ZFPM2: variants seen among roughly 807,000 people sequenced by gnomAD.
ZFPM2 encodes the protein zinc finger protein, FOG family member 2, also known as zinc finger protein ZFPM2.
In ZFPM2, 20 loss-of-function variants were observed where a neutral mutation model predicts 98.6. That is an observed-to-expected ratio of 0.20 (90% CI 0.14 to 0.29). The LOEUF (loss-of-function observed/expected upper bound fraction) is 0.29. Ranked by LOEUF, ZFPM2 falls within the 10% of genes least tolerant of loss-of-function variation. The pLI, the probability that ZFPM2 is intolerant of heterozygous loss-of-function variation, is 1.00. For missense variants in ZFPM2, 1,310 were observed against 1,388.6 expected (o/e 0.94, Z 0.90); for synonymous variants, 518 against 502.7 (o/e 1.03, Z -0.41).
chr8:105,620,047 A>C (rs550138552), intron 4 of ZFPM2, among the ~76,000 whole-genome samples: 8 of 152,330 alleles, frequency 5.3e-5, no homozygotes, highest in Admixed American at 3.3e-4. Context: ...GTATATATCC[A>C]GTAATGGGAT....
At chr8:105,646,052 A>G (rs1298110851) in intron 5 of ZFPM2, among the ~76,000 whole-genome samples, 3 of 17,436 alleles carry the variant, frequency 1.7e-4, no homozygotes, top group Non-Finnish European at 2.3e-4. Flanking sequence ...CTCCATCTGG[A>G]AAAAAAAAAA....
chr8:105,487,614 T>C (rs1813255180), intron 3 of ZFPM2, among the ~76,000 whole-genome samples: 1 of 152,158 alleles, frequency 6.6e-6, no homozygotes, highest in Non-Finnish European at 1.5e-5. Context: ...TGGACATGAA[T>C]GTGTTCCAGT....
At chr8:105,450,686 G>A (rs536130855) in intron 3 of ZFPM2, among the ~76,000 whole-genome samples, 37 of 152,038 alleles carry the variant, frequency 2.4e-4, no homozygotes, top group African/African-American at 8.9e-4. Flanking sequence ...TGAAAATGAG[G>A]CAGAGAGGAA....
At chr8:105,420,846 G>C (rs1811777015) in intron 2 of ZFPM2, among the ~76,000 whole-genome samples, 1 of 152,116 alleles carries the variant, frequency 6.6e-6, no homozygotes, top group African/African-American at 2.4e-5. Flanking sequence ...TTGAGAGTTA[G>C]AAGGTGAATA....
At chr8:105,537,728 T>G (rs994269121) in intron 3 of ZFPM2, among the ~76,000 whole-genome samples, 20 of 151,836 alleles carry the variant, frequency 1.3e-4, no homozygotes, top group African/African-American at 4.6e-4. Flanking sequence ...TTTTTCTTTT[T>G]TCTTCTTCTT....
At chr8:105,459,719 A>C (rs1470698716) in intron 3 of ZFPM2, among the ~76,000 whole-genome samples, 2 of 152,056 alleles carry the variant, frequency 1.3e-5, no homozygotes, top group Non-Finnish European at 2.9e-5. Context: ...TCTTACATGG[A>C]TAGCATTCCT....
chr8:105,572,060 C>T (rs1438673939), intron 4 of ZFPM2, among the ~76,000 whole-genome samples: 41 of 112,810 alleles, frequency 3.6e-4, no homozygotes, highest in African/African-American at 1.3e-3. Context: ...TTTTTTGAGA[C>T]GGAGTCTGGC....
At chr8:105,577,337 C>T (rs1014570740) in intron 4 of ZFPM2, among the ~76,000 whole-genome samples, 30 of 152,220 alleles carry the variant, frequency 2.0e-4, no homozygotes, top group African/African-American at 6.5e-4. Flanking sequence ...CACACACATA[C>T]ATGCACATGC....
intron 2 of ZFPM2, among the ~76,000 whole-genome samples, chr8:105,428,497 A>C (rs116016791): frequency 7.2e-4 from 109 of 152,330 alleles, no homozygotes; most frequent in African/African-American, 2.5e-3. Flanking sequence ...TCAATAAGCT[A>C]CAGTTTCTCA....
At chr8:105,401,104 C>T (rs1484931698) in intron 1 of ZFPM2, among the ~76,000 whole-genome samples, 1 of 151,300 alleles carries the variant, frequency 6.6e-6, no homozygotes, top group East Asian at 1.9e-4. Flanking sequence ...AAAACAGGCT[C>T]TTTATTTTCT....
intron 3 of ZFPM2, among the ~76,000 whole-genome samples, chr8:105,463,720 G>A (rs868179051): frequency 6.6e-6 from 1 of 152,100 alleles, no homozygotes; most frequent in Admixed American, 6.6e-5. Flanking sequence ...AGAATGTGAT[G>A]GAAATTTTCT....
chr8:105,401,913 G>T (rs919923667), intron 1 of ZFPM2, among the ~76,000 whole-genome samples: 1 of 152,070 alleles, frequency 6.6e-6, no homozygotes, highest in African/African-American at 2.4e-5. Context: ...ATCTTGTAAA[G>T]ATTTATTCCC....
At chr8:105,450,608 C>T (rs532132842) in intron 3 of ZFPM2, among the ~76,000 whole-genome samples, 6 of 152,006 alleles carry the variant, frequency 3.9e-5, no homozygotes, top group South Asian at 2.1e-4. Context: ...TGACTCTTGC[C>T]GGATGAAGAT....
chr8:105,649,287 T>G (rs529402305), intron 5 of ZFPM2, among the ~76,000 whole-genome samples: 1 of 152,112 alleles, frequency 6.6e-6, no homozygotes, highest in South Asian at 2.1e-4. Context: ...GGGCTGAGAC[T>G]ATGGGGTTTT....
intron 3 of ZFPM2, among the ~76,000 whole-genome samples, chr8:105,463,276 A>G (rs1812735642): frequency 7.5e-6 from 1 of 132,708 alleles, no homozygotes; most frequent in African/African-American, 2.6e-5. Context: ...TCTATATTTA[A>G]AACTATATAT....
intron 4 of ZFPM2, among the ~76,000 whole-genome samples, chr8:105,566,909 A>AT (rs1484723830): frequency 3.9e-5 from 6 of 152,094 alleles, no homozygotes; most frequent in Non-Finnish European, 5.9e-5. Context: ...GTGATACTGA[A>AT]TTTTTTTTAA....
At position 105,803,026 on chromosome 8, in the gene ZFPM2, T is replaced by G. The variant is rs1176228904; in HGVS notation, c.2944T>G (p.Ser982Ala). The change falls in exon 8 of 8, where the codon TCT (serine) becomes GCT (alanine). Residue 982 changes from serine (S) to alanine (A), a missense_variant. Ser to Ala is a moderately conservative substitution (Grantham distance 99). Transcript: ENST00000407775. ...IKKAKGADQLSPYYGIKPSDY... is the reference protein window; with the variant it reads ...IKKAKGADQLAPYYGIKPSDY... ...GAAAGCAAAAGGAGCCGACCAGCTT[T>G]CTCCATATTATGGAATCAAGCCAAG... The G allele has an allele frequency of 5.6e-6, 9 of 1,613,324 alleles. No homozygotes were observed. Among genetic ancestry groups the G allele is most frequent in the Non-Finnish European group, 7.6e-6 (9 of 1,179,636 alleles).
chr8:105,538,307 C>T (rs1460054390), intron 3 of ZFPM2, among the ~76,000 whole-genome samples: 1 of 152,100 alleles, frequency 6.6e-6, no homozygotes, highest in East Asian at 1.9e-4. Context: ...CCCTAAGGTA[C>T]CTAATAAGCC....
intron 5 of ZFPM2, among the ~76,000 whole-genome samples, chr8:105,686,109 A>G (rs2130929025): frequency 6.6e-6 from 1 of 152,212 alleles, no homozygotes; most frequent in Non-Finnish European, 1.5e-5. Context: ...TTTCTGTACT[A>G]AGAAGCTCAA....
Sources: gnomAD v4.1 joint callset for allele counts (sites outside exome capture counted in the v4.1 genomes callset) on GRCh38, gnomAD v4.1.1 for gene constraint, MANE v1.5 for transcripts, NCBI Gene and HGNC (gene_info 2026-07-23, HGNC 2026-07-21) for gene names.